TRABD2B: variants seen among roughly 807,000 people sequenced by gnomAD.
TRABD2B encodes the protein metalloprotease TIKI2.
Under a neutral mutation model 40.1 loss-of-function variants are expected in TRABD2B, and 14 were observed. The ratio of observed to expected loss-of-function variants is 0.35; its 90% CI spans 0.23 to 0.55. The LOEUF is 0.55. TRABD2B is among the 20% of genes least tolerant of loss of function. The pLI, the probability that TRABD2B is intolerant of heterozygous loss-of-function variation, is 0.90. For synonymous variants in TRABD2B, 263 were observed against 277.0 expected, an observed-to-expected ratio of 0.95 and a Z score of 0.50; for missense variants, 541 against 648.6, an observed-to-expected ratio of 0.83 and a Z score of 1.80.
At chr1:47,922,558 C>T (rs577305450) in intron 2 of TRABD2B, among the ~76,000 whole-genome samples, 2 of 152,336 alleles carry the variant, frequency 1.3e-5, no homozygotes, top group East Asian at 3.9e-4. Context: ...CTTCGCCTGC[C>T]ACTGGCTGGG....
chr1:47,939,951 CA>C (rs1295526903), intron 2 of TRABD2B, among the ~76,000 whole-genome samples: 34 of 152,320 alleles, frequency 2.2e-4, no homozygotes, highest in Admixed American at 2.0e-3. Context: ...GAGATCCAAG[CA>C]AACCTTGCAG....
At chr1:47,993,033 G>A (rs1419835382) in intron 2 of TRABD2B, among the ~76,000 whole-genome samples, 3 of 152,232 alleles carry the variant, frequency 2.0e-5, no homozygotes, top group African/African-American at 7.2e-5. Flanking sequence ...CATCTCCGGA[G>A]GAGCAAGCAG....
intron 2 of TRABD2B, among the ~76,000 whole-genome samples, chr1:47,858,193 T>TCTTTATTTTA (rs1643915159): frequency 6.6e-6 from 1 of 150,662 alleles, no homozygotes; most frequent in Non-Finnish European, 1.5e-5. Flanking sequence ...AGTCATTCAT[T>TCTTTATTTTA]CTTTATTTTA....
At position 47,936,875 on chromosome 1, in the gene TRABD2B, C is replaced by T. The variant is rs78936489; in HGVS notation, c.666+57159G>A. On this transcript the variant is annotated intron_variant, in intron 2 of 6. Coordinates refer to ENST00000606738, the MANE Select transcript of TRABD2B (RefSeq NM_001194986.2). ...TCATCATCATCATCACCACCACCAC[C>T]ACCATCACCATCACTACCATCACCA... 1.8e-3 allele frequency among the ~76,000 whole-genome samples: 272 copies of T among 151,424 alleles called. 8 individuals are homozygous for T. In the East Asian group the frequency reaches 0.046, roughly 26 times the overall value.
At chr1:47,795,819 C>T in intron 3 of TRABD2B, 1 of 506,666 alleles carries the variant, frequency 2.0e-6, no homozygotes, top group Non-Finnish European at 2.6e-6. Flanking sequence ...TTTTTGAATA[C>T]CTCAACCCCA....
chr1:47,819,632 G>A (rs1417083949), intron 2 of TRABD2B: 2 of 152,230 alleles, frequency 1.3e-5, no homozygotes, highest in Non-Finnish European at 2.9e-5. Context: ...GCCTTGTGGG[G>A]TCTGGGCCTG....
intron 2 of TRABD2B, among the ~76,000 whole-genome samples, chr1:47,919,403 C>T (rs2124729783): frequency 6.6e-6 from 1 of 152,310 alleles, no homozygotes; most frequent in Middle Eastern, 3.4e-3. Context: ...ACAGCAAAGT[C>T]TATCTTAAAA....
At chr1:47,885,480 C>T (rs1644358894) in intron 2 of TRABD2B, among the ~76,000 whole-genome samples, 1 of 152,204 alleles carries the variant, frequency 6.6e-6, no homozygotes, top group African/African-American at 2.4e-5. Flanking sequence ...CATCGGCCAT[C>T]TGGTAACTGT....
intron 2 of TRABD2B, among the ~76,000 whole-genome samples, chr1:47,902,664 T>C (rs1192989165): frequency 6.6e-6 from 1 of 151,718 alleles, no homozygotes; most frequent in Non-Finnish European, 1.5e-5. Flanking sequence ...GCCTAGTTAA[T>C]TTTTTATAGA....
chr1:47,794,796 T>A, intron 3 of TRABD2B, 36 bp from the exon 4 acceptor site: 1 of 1,442,712 alleles, frequency 6.9e-7, no homozygotes, highest in Non-Finnish European at 9.1e-7. Flanking sequence ...TTCAGTTTTT[T>A]TTTTTTTTTT....
At chr1:47,908,067 G>C (rs948138301) in intron 2 of TRABD2B, among the ~76,000 whole-genome samples, 1 of 152,158 alleles carries the variant, frequency 6.6e-6, no homozygotes, top group Non-Finnish European at 1.5e-5. Flanking sequence ...CCTAAATGTG[G>C]TCTGTGGCCA....
chr1:47,828,801 G>T (rs1008340255), intron 2 of TRABD2B, among the ~76,000 whole-genome samples: 2 of 152,204 alleles, frequency 1.3e-5, no homozygotes, highest in African/African-American at 4.8e-5. Context: ...GCCCTTAAAA[G>T]ATCAGGGAGT....
chr1:47,935,636 T>G lies in TRABD2B; in HGVS notation c.666+58398A>C, dbSNP rs149481086. Among the ~76,000 whole-genome samples the G allele has an allele frequency of 1.1e-3, 165 of 152,330 alleles. 1 individual carries two copies. The highest frequency in any genetic ancestry group is 3.7e-3 in the African/African-American group (152 of 41,580). On this transcript the variant is annotated intron_variant, in intron 2 of 6. Transcript: ENST00000606738. ...CAAAGGCTTCAACAAGCAAGTAAGATAGGACTGCAGGAAAAAAACACTATA... is the reference window on the plus strand; with the variant it reads ...CAAAGGCTTCAACAAGCAAGTAAGAGAGGACTGCAGGAAAAAAACACTATA...
At chr1:47,784,281 A>G (rs553709677) in intron 4 of TRABD2B, among the ~76,000 whole-genome samples, 106 of 152,178 alleles carry the variant, frequency 7.0e-4, no homozygotes, top group Non-Finnish European at 1.3e-3. Flanking sequence ...AGGGATCCTG[A>G]GTTCACATTT....
intron 5 of TRABD2B, among the ~76,000 whole-genome samples, chr1:47,776,658 G>C (rs962334441): frequency 2.6e-5 from 4 of 152,216 alleles, no homozygotes; most frequent in Non-Finnish European, 2.9e-5. Context: ...GTGATCCTGG[G>C]AGAAGGTTGG....
At chr1:47,805,728 T>C (rs1432492296) in intron 2 of TRABD2B, among the ~76,000 whole-genome samples, 13 of 152,232 alleles carry the variant, frequency 8.5e-5, no homozygotes, top group Admixed American at 4.6e-4. Context: ...ATTGAGCACT[T>C]ACTATGTGTC....
At chr1:47,876,784 G>C (rs1644231296) in intron 2 of TRABD2B, among the ~76,000 whole-genome samples, 1 of 152,176 alleles carries the variant, frequency 6.6e-6, no homozygotes, top group African/African-American at 2.4e-5. Context: ...TCATGTCTCT[G>C]TTTACTCTTT....
intron 2 of TRABD2B, among the ~76,000 whole-genome samples, chr1:47,986,717 G>C (rs1645923578): frequency 6.6e-6 from 1 of 152,138 alleles, no homozygotes; most frequent in Non-Finnish European, 1.5e-5. Context: ...AGAAAAGGAG[G>C]AAATTCCTAA....
chr1:47,944,844 T>A (rs1645238628), intron 2 of TRABD2B, among the ~76,000 whole-genome samples: 1 of 152,150 alleles, frequency 6.6e-6, no homozygotes, highest in Non-Finnish European at 1.5e-5. Context: ...GCCAGCTCTG[T>A]CCTGGGCAAA....
Sources: allele counts gnomAD v4.1 joint callset (sites outside exome capture counted in the v4.1 genomes callset), GRCh38; gene constraint gnomAD v4.1.1; transcripts MANE v1.5; gene names NCBI Gene and HGNC (gene_info 2026-07-23, HGNC 2026-07-21).